The following CLPSL1 variants were observed in gnomAD, a reference collection of about 807,000 sequenced individuals.
The protein encoded by CLPSL1 is colipase-like protein 1.
A neutral mutation model predicts 9.3 loss-of-function variants in CLPSL1; 13 were observed. The observed-to-expected ratio is 1.40, with a 90% CI of 0.91 to 2.22. CLPSL1 has a LOEUF of 2.22. Ranked by LOEUF, CLPSL1 falls within the 30% of genes most tolerant of loss-of-function variation. The pLI, the probability that CLPSL1 is intolerant of heterozygous loss-of-function variation, is 0.00. For synonymous variants in CLPSL1, 58 were observed against 56.9 expected (o/e 1.02, Z -0.08); for missense variants, 164 against 146.6 (o/e 1.12, Z -0.61).
At chr6:35,790,914 C>T (rs1043813015), downstream of CLPSL1, among the ~76,000 whole-genome samples, 5 of 151,914 alleles carry the variant, frequency 3.3e-5, no homozygotes, top group Admixed American at 6.6e-5. Flanking sequence ...GGTGGTGGCA[C>T]GCACGTGTAG....
intron 1 of CLPSL1, among the ~76,000 whole-genome samples, chr6:35,781,421 G>T: frequency 6.6e-6 from 1 of 152,200 alleles, no homozygotes; most frequent in East Asian, 1.9e-4. Context: ...TGCCACAGAG[G>T]TGAATGTGAG....
downstream of CLPSL1, among the ~76,000 whole-genome samples, chr6:35,791,833 C>G (rs2151063649): frequency 6.6e-6 from 1 of 152,124 alleles, no homozygotes; most frequent in South Asian, 2.1e-4. Context: ...TTTCGGAGGC[C>G]TAGGTGGGCA....
chr6:35,782,102 T>G (rs1291393421), intron 1 of CLPSL1, among the ~76,000 whole-genome samples: 2 of 152,004 alleles, frequency 1.3e-5, no homozygotes, highest in Non-Finnish European at 2.9e-5. Flanking sequence ...ACTAAGAATG[T>G]GAAATTTTAG....
At chr6:35,782,447 C>T (rs1342536799) in intron 1 of CLPSL1, among the ~76,000 whole-genome samples, 4 of 152,110 alleles carry the variant, frequency 2.6e-5, no homozygotes, top group African/African-American at 4.8e-5. Flanking sequence ...AGGTTGCTAG[C>T]GGGGGAAATA....
rs1050727428 is a variant in CLPSL1, at chr6:35,782,560, T to A, written c.99+1351T>A. On this transcript the variant is annotated intron_variant, in intron 1 of 2. Transcript: ENST00000373861. ...GACTGCTCTGCTGGTGTCCAGGAAG[T>A]CTTCAGCCTGAGGCAGGAGGGGGAG... is the stretch of plus-strand genomic sequence containing the variant. Among the ~76,000 whole-genome samples, 3 of 152,142 alleles carry A rather than the reference T, an allele frequency of 2.0e-5. No homozygotes were observed. In the South Asian group the frequency reaches 6.2e-4, roughly 32 times the overall value.
At chr6:35,786,963 G>C (rs771362615) in intron 1 of CLPSL1, 35 bp from the exon 2 acceptor site, 1 of 1,553,998 alleles carries the variant, frequency 6.4e-7, no homozygotes. Flanking sequence ...GAAGGCGGGC[G>C]GTGGAGCCTG....
chr6:35,783,676 C>T (rs1256071583), intron 1 of CLPSL1, among the ~76,000 whole-genome samples: 1 of 151,722 alleles, frequency 6.6e-6, no homozygotes, highest in Non-Finnish European at 1.5e-5. Flanking sequence ...TGCGTGGTGG[C>T]GGGTGCCTGT....
chr6:35,790,351 A>G (rs1768162929), downstream of CLPSL1, among the ~76,000 whole-genome samples: 1 of 152,284 alleles, frequency 6.6e-6, no homozygotes, highest in Non-Finnish European at 1.5e-5. Flanking sequence ...AAAAGAAACA[A>G]AAAAGAAAGG....
At chr6:35,790,928 T>TAAGTGTA (rs373008857), downstream of CLPSL1, among the ~76,000 whole-genome samples, 5,077 of 151,022 alleles carry the variant, frequency 0.034, 10 homozygotes, top group Middle Eastern at 0.071. Context: ...CGTGTAGTCC[T>TAAGTGTA]AGCTACTTAG....
intron 1 of CLPSL1, among the ~76,000 whole-genome samples, chr6:35,786,558 G>A (rs1192477287): frequency 6.6e-6 from 1 of 152,196 alleles, no homozygotes; most frequent in Non-Finnish European, 1.5e-5. Flanking sequence ...GATCAATAAT[G>A]TTAATTACTG....
intron 1 of CLPSL1, 38 bp from the exon 2 acceptor site, chr6:35,786,960 G>T: frequency 6.4e-7 from 1 of 1,552,456 alleles, no homozygotes; most frequent in East Asian, 2.4e-5. Context: ...GCGGAAGGCG[G>T]GCGGTGGAGC....
chr6:35,790,607 T>TA (rs1371814510), downstream of CLPSL1, among the ~76,000 whole-genome samples: 1 of 152,236 alleles, frequency 6.6e-6, no homozygotes, highest in Non-Finnish European at 1.5e-5. Context: ...AAAGGACACT[T>TA]ATAGAAAAGT....
At chr6:35,785,573 T>G (rs1768053065) in intron 1 of CLPSL1, among the ~76,000 whole-genome samples, 1 of 152,214 alleles carries the variant, frequency 6.6e-6, no homozygotes. Context: ...AAGCCCTTTT[T>G]GCTTCTCTCT....
intron 1 of CLPSL1, among the ~76,000 whole-genome samples, chr6:35,786,139 G>C (rs1349004381): frequency 6.6e-6 from 1 of 152,184 alleles, no homozygotes; most frequent in African/African-American, 2.4e-5. Flanking sequence ...GTGGCGCACG[G>C]CTGTAATCGC....
downstream of CLPSL1, among the ~76,000 whole-genome samples, chr6:35,788,559 G>T (rs151266360): frequency 3.3e-3 from 509 of 152,090 alleles, 2 homozygotes; most frequent in South Asian, 0.021. Context: ...CAACAAACCT[G>T]TGGGGTCTCT....
In CLPSL1 at chr6:35,787,904, G is replaced by A. The variant is rs746478457; in HGVS notation, c.260G>A (p.Arg87Gln). ...CAATATAGAGCGTGTCCCTGCCTGC[G>A]GAACCTGACTTGTATATATTCAAAG... ...FGQYRACPCL[R>Q]NLTCIYSKNE... is the part of the protein sequence containing the mutation. The change falls in exon 3 of 3, where the codon CGG becomes CAG. Residue 87 changes from arginine to glutamine, a missense_variant. By Grantham distance (43) the Arg-to-Gln change is conservative. Transcript: ENST00000373861. 13 of 1,608,398 alleles carry A rather than the reference G, an allele frequency of 8.1e-6. No homozygotes were observed. The highest frequency in any genetic ancestry group is 1.6e-4 in the Middle Eastern group (1 of 6,074).
At chr6:35,791,464 C>G (rs1173291130), downstream of CLPSL1, among the ~76,000 whole-genome samples, 1 of 151,760 alleles carries the variant, frequency 6.6e-6, no homozygotes, top group Admixed American at 6.6e-5. Context: ...CAAAAATTAG[C>G]TGGGCGTGGA....
chr6:35,790,252 A>G (rs1268909673), downstream of CLPSL1, among the ~76,000 whole-genome samples: 2 of 152,378 alleles, frequency 1.3e-5, no homozygotes, highest in Non-Finnish European at 2.9e-5. Flanking sequence ...CTTTTTTCCA[A>G]TATTGGATAT....
chr6:35,788,232 A>G, downstream of CLPSL1: 1 of 543,784 alleles, frequency 1.8e-6, no homozygotes, highest in Non-Finnish European at 3.3e-6. Flanking sequence ...GGGAGGTGAT[A>G]TGAGGGAGGA....
Sources: allele counts gnomAD v4.1 joint callset (sites outside exome capture counted in the v4.1 genomes callset), GRCh38; gene constraint gnomAD v4.1.1; transcripts MANE v1.5; gene names NCBI Gene and HGNC (gene_info 2026-07-23, HGNC 2026-07-21).